KAT2A: variants seen among roughly 807,000 people sequenced by gnomAD.
KAT2A encodes histone acetyltransferase KAT2A.
A neutral mutation model predicts 95.2 loss-of-function variants in KAT2A; 42 were observed. That is an observed-to-expected ratio of 0.44 (90% CI 0.34 to 0.57). The LOEUF (loss-of-function observed/expected upper bound fraction) is 0.57, where lower values mean the gene tolerates loss of function less well. Ranked by LOEUF, KAT2A falls within the 20% of genes least tolerant of loss-of-function variation. KAT2A has a pLI of 0.01. For synonymous variants in KAT2A, 449 were observed against 448.2 expected (o/e 1.00, Z -0.02); for missense variants, 784 against 1,126.3 (o/e 0.70, Z 4.35).
At chr17:42,118,490 A>T in intron 6 of KAT2A, 87 bp from the exon 7 acceptor site, 3 of 902,748 alleles carry the variant, frequency 3.3e-6, no homozygotes. Context: ...GGCTGGTCAG[A>T]GACAGACCCT....
rs1347629766 is a variant in KAT2A, at chr17:42,114,502, C to T, written c.2122G>A (p.Val708Ile). ...GACCCCTGCTTACGAATGCCAGGAA[C>T]GCTCTCCACAGGGATCTGCCTCACG... ...EGVRQIPVESVPGIRETGWKP... is the reference protein window; with the variant it reads ...EGVRQIPVESIPGIRETGWKP... The change falls in exon 14 of 18, where the codon GTT becomes ATT. Residue 708 changes from valine to isoleucine, a missense_variant. By Grantham distance (29) the Val-to-Ile change is conservative (BLOSUM62 3). Coordinates refer to ENST00000225916, the MANE Select transcript of KAT2A (RefSeq NM_021078.3). The surrounding 1 kb of genome is among the most constrained non-coding windows in gnomAD (Gnocchi z 6.0). 1.2e-5 allele frequency: 20 copies of T among 1,613,922 alleles called. No homozygotes were observed. Among genetic ancestry groups the T allele is most frequent in the East Asian group, 2.2e-5 (1 of 44,896 alleles).
chr17:42,115,870 G>A (rs200054593), intron 11 of KAT2A, 37 bp from the exon 12 acceptor site: 20 of 1,177,678 alleles, frequency 1.7e-5, no homozygotes, highest in Non-Finnish European at 2.6e-5. Flanking sequence ...CAGGAGCTGA[G>A]GATGGGCCTG....
Position 42,119,865 on chromosome 17 carries a change from C to G in KAT2A, c.700-147G>C, listed in dbSNP as rs1213367049. ...GGGTGCTCTCTATAGAAAAGCTCTGCCCCCTCCCTACCACCATGCCCACCC... is the reference window on the plus strand; with the variant it reads ...GGGTGCTCTCTATAGAAAAGCTCTGGCCCCTCCCTACCACCATGCCCACCC... On this transcript the variant is annotated intron_variant, in intron 4 of 17. Transcript: ENST00000225916. The surrounding 1 kb of genome is among the most constrained non-coding windows in gnomAD (Gnocchi z 5.3). The G allele has an allele frequency of 4.1e-6, 4 of 966,984 alleles. No individual in the cohort carries two copies. The highest frequency in any genetic ancestry group is 6.2e-6 in the Non-Finnish European group (4 of 643,294). The allele number at this position is 966,984 out of a possible 1,614,324, so 59.9% of individuals were successfully genotyped here. A position where few individuals can be genotyped will look rare whatever the true frequency, so the allele number is the denominator to read the frequency against.
In KAT2A at chr17:42,121,017, C is replaced by T. The variant is rs782192804; in HGVS notation, c.288G>A (p.Gly96=). 1.7e-5 allele frequency: 27 copies of T among 1,594,302 alleles called. No individual in the cohort carries two copies. In the Admixed American group the frequency reaches 1.7e-4, roughly 10 times the overall value. ...TCTCAAGCTTCTTGGCGCGCGGCAG[C>T]CCCCGGACTTGCGCCTTCCTCTGAC... ...RASQRKAQVR[G]LPRAKKLEKL... is the part of the protein sequence containing the mutation. The change falls in exon 1 of 18, where the codon GGG becomes GGA. Residue 96 remains glycine (G), a synonymous_variant. Transcript: ENST00000225916.
Position 42,117,989 on chromosome 17 carries a change from GC to G in KAT2A, c.1208del (p.Ser403ThrfsTer17). ...CCATGCTGGGGCTGAAGATGGGGGT[GC>G]TGGGAACAACCGCTGCACTGACTGA... ...PASVSAAVVP[S>X]TPIFSPSMGG... On this transcript the variant is annotated frameshift_variant, in exon 8 of 18. Coordinates refer to ENST00000225916, the MANE Select transcript of KAT2A (RefSeq NM_021078.3). LOFTEE classifies it high-confidence loss of function. This position sits in a 1 kb window ranked among gnomAD's most constrained non-coding sequence, Gnocchi z 8.9. The G allele has an allele frequency of 6.2e-7, 1 of 1,606,276 alleles. No homozygotes were observed. Among genetic ancestry groups the G allele is most frequent in the Non-Finnish European group, 8.5e-7 (1 of 1,175,110 alleles).
rs1555665591 is a variant in KAT2A, at chr17:42,114,616, A to T, written c.2020-12T>A. On this transcript the variant is annotated splice_polypyrimidine_tract_variant and intron_variant, in intron 13 of 17. Coordinates refer to ENST00000225916, the MANE Select transcript of KAT2A (RefSeq NM_021078.3). The surrounding 1 kb of genome is among the most constrained non-coding windows in gnomAD (Gnocchi z 6.0). The stretch of plus-strand genomic sequence containing the variant: ...AGCTTCTTGATGATCTGAGGGAAGG[A>T]AGGGACTGAGGGGCCAACTCCAGCC... 8 of 1,610,044 alleles carry T rather than the reference A, an allele frequency of 5.0e-6. No homozygotes were observed. Among genetic ancestry groups the T allele is most frequent in the Non-Finnish European group, 6.8e-6 (8 of 1,177,770 alleles).
At chr17:42,118,443 C>T (rs376580376) in intron 6 of KAT2A, 40 bp from the exon 7 acceptor site, 13 of 1,439,024 alleles carry the variant, frequency 9.0e-6, no homozygotes, top group Non-Finnish European at 1.3e-5. Context: ...CTCTGTTCTC[C>T]AGGGTGCAGC....
In KAT2A at chr17:42,120,981, G is replaced by A; in HGVS notation, c.324C>T (p.Val108=). The change falls in exon 1 of 18, where the codon GTC becomes GTT. Residue 108 remains valine, a synonymous_variant. Coordinates refer to ENST00000225916, the MANE Select transcript of KAT2A (RefSeq NM_021078.3). ...CCGCCCCCACCTTGCAAGCCGAGAA[G>A]ACCCCTAGCTTCTCAAGCTTCTTGG... ...PRAKKLEKLG[V]FSACKANETC... 2.5e-6 allele frequency: 4 copies of A among 1,584,482 alleles called. No individual in the cohort carries two copies. Among genetic ancestry groups the A allele is most frequent in the Non-Finnish European group, 3.4e-6 (4 of 1,165,864 alleles).
chr17:42,120,413 A>G (rs1568013216), intron 2 of KAT2A, 43 bp from the exon 3 acceptor site: 2 of 1,603,192 alleles, frequency 1.2e-6, no homozygotes, highest in African/African-American at 1.3e-5. Context: ...GATAGAAGAA[A>G]TCAACAAGGC....
chr17:42,117,018 C>A lies in KAT2A; in HGVS notation c.1764+17G>T. 1 of 1,613,018 alleles carries A rather than the reference C, an allele frequency of 6.2e-7. No homozygotes were observed. The highest frequency in any genetic ancestry group is 1.1e-5 in the South Asian group (1 of 91,040). ...GTGGGCCGTGGACTGGGGCTGGGGC[C>A]GGGGAGCCGCGCTCACCTTGACCTG... On this transcript the variant is annotated intron_variant, in intron 11 of 17. Transcript: ENST00000225916. This position sits in a 1 kb window ranked among gnomAD's most constrained non-coding sequence, Gnocchi z 8.9.
At chr17:42,120,641 C>A in intron 2 of KAT2A, 65 bp downstream of exon 2, 6 of 1,600,216 alleles carry the variant, frequency 3.7e-6, no homozygotes, top group Non-Finnish European at 3.4e-6. Flanking sequence ...CTTTGTGGCA[C>A]TTGTCACCCT....
Position 42,118,028 on chromosome 17 carries a change from A to G in KAT2A, c.1181-11T>C. 1 of 1,429,142 alleles carries G rather than the reference A, an allele frequency of 7.0e-7. No individual in the cohort carries two copies. Among genetic ancestry groups the G allele is most frequent in the Non-Finnish European group, 9.5e-7 (1 of 1,056,490 alleles). 88.5% of individuals were successfully genotyped at this position (1,429,142 alleles called of 1,614,324 possible). A position where few individuals can be genotyped will look rare whatever the true frequency, so the allele number is the denominator to read the frequency against. ...CTGCACTGACTGAAGCTGAGGAGAG[A>G]GAGAGACGTCAGGGATGGGGGGCTG... On this transcript the variant is annotated splice_polypyrimidine_tract_variant and intron_variant, in intron 7 of 17. Transcript: ENST00000225916.
chr17:42,116,962 C>CCTG (rs2054267376), intron 11 of KAT2A, 73 bp downstream of exon 11: 4 of 1,573,076 alleles, frequency 2.5e-6, no homozygotes. Flanking sequence ...TGCCACACAT[C>CCTG]CTGCTGCTCC....
chr17:42,117,738 C>T lies in KAT2A; in HGVS notation c.1368G>A (p.Met456Ile), dbSNP rs2054279516. Reference sequence around the variant, plus strand: ...TCAGCATGACCTCATTGACCAGCTCCATGGGGATGTCACCCATCACACGGA... The same window carrying T: ...TCAGCATGACCTCATTGACCAGCTCTATGGGGATGTCACCCATCACACGGA... Reference protein sequence around the residue: ...KRLRVMGDIPMELVNEVMLTI... With the variant: ...KRLRVMGDIPIELVNEVMLTI... The change falls in exon 9 of 18, where the codon ATG becomes ATA. Residue 456 changes from methionine (M) to isoleucine (I), a missense_variant. By Grantham distance (10) the Met-to-Ile change is conservative. This residue lies in a region of KAT2A where 174 missense variants were observed against 324.9 expected (regional missense o/e 0.54). Coordinates refer to ENST00000225916, the MANE Select transcript of KAT2A (RefSeq NM_021078.3). This position sits in a 1 kb window ranked among gnomAD's most constrained non-coding sequence, Gnocchi z 8.9. 6 of 1,613,790 alleles carry T rather than the reference C, an allele frequency of 3.7e-6. No individual in the cohort carries two copies. In the South Asian group the frequency reaches 6.6e-5, roughly 18 times the overall value.
In KAT2A at chr17:42,115,572, A is replaced by G. The variant is rs1364183308; in HGVS notation, c.1875+151T>C. 2.7e-5 allele frequency: 17 copies of G among 639,970 alleles called. No individual in the cohort carries two copies. In the Admixed American group the frequency reaches 3.7e-4, roughly 14 times the overall value. The allele number at this position is 639,970 out of a possible 1,614,324, so 39.6% of individuals were successfully genotyped here. A position where few individuals can be genotyped will look rare whatever the true frequency, so the allele number is the denominator to read the frequency against. ...CATTCTCCCCTGGGGCAATGGCAGC[A>G]GAGGAAAGAAGATAGGCATGGAGAC... On this transcript the variant is annotated intron_variant, in intron 12 of 17. Coordinates refer to ENST00000225916, the MANE Select transcript of KAT2A (RefSeq NM_021078.3).
rs149340949 is a variant in KAT2A, at chr17:42,119,350, C to A, written c.968G>T (p.Arg323Leu). ...CCGGCGGGTAACGGTGAAAATGGAC[C>A]GGAGAAGGCTTCGCCCAAAGACATG... ...TTHVFGRSLL[R>L]SIFTVTRRQL... The change falls in exon 6 of 18, where the codon CGG (arginine) becomes CTG (leucine). Residue 323 changes from arginine (R) to leucine (L), a missense_variant. Coordinates refer to ENST00000225916, the MANE Select transcript of KAT2A (RefSeq NM_021078.3). The surrounding 1 kb of genome is among the most constrained non-coding windows in gnomAD (Gnocchi z 5.3). The A allele has an allele frequency of 6.2e-7, 1 of 1,614,056 alleles. No homozygotes were observed. The highest frequency in any genetic ancestry group is 2.2e-5 in the East Asian group (1 of 44,876).
chr17:42,118,464 C>T lies in KAT2A; in HGVS notation c.1074-61G>A, dbSNP rs1344508554. On this transcript the variant is annotated intron_variant, in intron 6 of 17. Transcript: ENST00000225916. Reference sequence around the variant, plus strand: ...TCTCCAGGGTGCAGCCTGGGCCAGGCAGCAGAGGGACTGGAGGCTGGTCAG... The same window carrying T: ...TCTCCAGGGTGCAGCCTGGGCCAGGTAGCAGAGGGACTGGAGGCTGGTCAG... 6.7e-6 allele frequency: 8 copies of T among 1,202,448 alleles called. No individual in the cohort carries two copies. The East Asian group carries it at 1.4e-4, about 21-fold the overall frequency. The allele number at this position is 1,202,448 out of a possible 1,614,324, so 74.5% of individuals were successfully genotyped here. A position where few individuals can be genotyped will look rare whatever the true frequency, so the allele number is the denominator to read the frequency against.
At chr17:42,113,915 C>G in intron 17 of KAT2A, 73 bp from the exon 18 acceptor site, 1 of 1,472,440 alleles carries the variant, frequency 6.8e-7, no homozygotes, top group Non-Finnish European at 9.1e-7. Context: ...CAGGGTGGGC[C>G]CCCTGGGGCT....
Position 42,117,370 on chromosome 17 carries a change from G to A in KAT2A, c.1637+18C>T, listed in dbSNP as rs2054273817. On this transcript the variant is annotated intron_variant, in intron 10 of 17. Coordinates refer to ENST00000225916, the MANE Select transcript of KAT2A (RefSeq NM_021078.3). This position sits in a 1 kb window ranked among gnomAD's most constrained non-coding sequence, Gnocchi z 8.9. ...CTGGGTGTGCTGCCCTGGGGGAGGG[G>A]CTCTCTGGGGGACGCACGGGTCAAA... 6.2e-7 allele frequency: 1 copy of A among 1,611,078 alleles called. No individual in the cohort carries two copies. The highest frequency in any genetic ancestry group is 8.5e-7 in the Non-Finnish European group (1 of 1,177,988).
Sources: gnomAD v4.1 joint callset for allele counts on GRCh38, gnomAD v4.1.1 for gene constraint, gnomAD v4.1.1 regional missense constraint, Gnocchi (gnomAD v3.1) non-coding constraint, MANE v1.5 for transcripts, NCBI Gene and HGNC (gene_info 2026-07-23, HGNC 2026-07-21) for gene names.